Variants in GPN3 observed in about 807,000 individuals in gnomAD.
GPN3 encodes ATP-binding domain 1 family member C.
GPN3 carries 31 observed loss-of-function variants against 38.7 expected under a neutral mutation model. The ratio of observed to expected loss-of-function variants is 0.80; its 90% confidence interval spans 0.60 to 1.08. The LOEUF (loss-of-function observed/expected upper bound fraction) is 1.08. Ranked by LOEUF, GPN3 falls within the 50% of genes least tolerant of loss-of-function variation. The probability of loss-of-function intolerance (pLI) is 0.00; values close to 1 mark genes in which losing one functional copy is unlikely to be tolerated. For missense variants in GPN3, 301 were observed against 354.4 expected (o/e 0.85, Z 1.21); for synonymous variants, 116 against 120.2 (o/e 0.96, Z 0.23).
At chr12:110,464,777 T>C (rs2062615132) in intron 2 of GPN3, 1 of 254,116 alleles carries the variant, frequency 3.9e-6, no homozygotes, top group South Asian at 5.0e-5. Context: ...GTGTTTTTAG[T>C]AGAGACAGGG....
chr12:110,463,434 A>T (rs1015934174), intron 2 of GPN3, among the ~76,000 whole-genome samples: 1 of 151,436 alleles, frequency 6.6e-6, no homozygotes, highest in African/African-American at 2.4e-5. Context: ...CCTGGGTGAC[A>T]GAGTGAGACC....
intron 4 of GPN3, among the ~76,000 whole-genome samples, chr12:110,456,464 TCTTGGTTCCCAAAG>T (rs2062550661): frequency 6.6e-6 from 1 of 152,066 alleles, no homozygotes; most frequent in Non-Finnish European, 1.5e-5. Flanking sequence ...AATGCTTGAT[TCTTGGTTCCCAAAG>T]GTGAGGGAAG....
At chr12:110,465,037 G>C in intron 2 of GPN3, 69 bp downstream of exon 2, 1 of 817,036 alleles carries the variant, frequency 1.2e-6, no homozygotes, top group Non-Finnish European at 2.2e-6. Flanking sequence ...GTGCTAAGCA[G>C]CTAGTACTCA....
intron 1 of GPN3, 23 bp from the exon 2 acceptor site, chr12:110,465,237 A>T: frequency 7.6e-7 from 1 of 1,318,370 alleles, no homozygotes; most frequent in Non-Finnish European, 1.1e-6. Flanking sequence ...AAGGCATGAG[A>T]GGTTAAAGCA....
rs747878824 is a variant in GPN3 at position 110,453,725 on chromosome 12, C to A, written c.792+18G>T. The A allele has an allele frequency of 1.2e-6, 2 of 1,600,584 alleles. No individual in the cohort carries two copies. The highest frequency in any genetic ancestry group is 3.3e-5 in the Admixed American group (2 of 59,884). ...TATTTTTATCAAAAGCTAACAAACA[C>A]CCCAAACCAGAAATTACCTTTGGTT... is the stretch of plus-strand genomic sequence containing the variant. On this transcript the variant is annotated intron_variant, in intron 7 of 7. Transcript: ENST00000228827.
At chr12:110,468,016 G>T in intron 1 of GPN3, 140 bp downstream of exon 1, 1 of 1,161,014 alleles carries the variant, frequency 8.6e-7, no homozygotes, top group Non-Finnish European at 1.3e-6. Context: ...AAAAAAGAAC[G>T]TGAAGCCAGA....
chr12:110,453,046 G>A lies in GPN3; in HGVS notation c.843C>T (p.Cys281=). 1.4e-6 allele frequency: 2 copies of A among 1,408,734 alleles called. No homozygotes were observed. The highest frequency in any genetic ancestry group is 2.0e-6 in the Non-Finnish European group (2 of 992,868). 87.3% of individuals were successfully genotyped at this position (1,408,734 alleles called of 1,614,324 possible). A position where few individuals can be genotyped will look rare whatever the true frequency, so the allele number is the denominator to read the frequency against. The change falls in exon 8 of 8, where the codon TGC becomes TGT. Residue 281 remains cysteine, a synonymous_variant. Transcript: ENST00000228827. ...TTTAGTAAACTCTTCATTCATCCTG[G>A]CATTCTTGAAAATATTCGTCAAACA... ...SSMFDEYFQE[C]QDE
rs1240214689 is a variant in GPN3, at chr12:110,453,052, T to C, written c.837A>G (p.Gln279=). 6.9e-6 allele frequency: 10 copies of C among 1,455,934 alleles called. No homozygotes were observed. The highest frequency in any genetic ancestry group is 9.6e-6 in the Non-Finnish European group (10 of 1,036,322). The allele number at this position is 1,455,934 out of a possible 1,614,324, so 90.2% of individuals were successfully genotyped here. ...AAACTCTTCATTCATCCTGGCATTCTTGAAAATATTCGTCAAACATAGAGG... is the reference window on the plus strand; with the variant it reads ...AAACTCTTCATTCATCCTGGCATTCCTGAAAATATTCGTCAAACATAGAGG... ...ESSSMFDEYF[Q]ECQDE is the part of the protein sequence containing the mutation. Residue 279 remains glutamine (Q), a synonymous_variant, in exon 8 of 8, where the codon CAA becomes CAG. Coordinates refer to ENST00000228827, the MANE Select transcript of GPN3 (RefSeq NM_016301.4).
chr12:110,454,084 T>C (rs991304460), intron 6 of GPN3, among the ~76,000 whole-genome samples: 1 of 152,228 alleles, frequency 6.6e-6, no homozygotes, highest in Non-Finnish European at 1.5e-5. Flanking sequence ...AGCTTATTAC[T>C]TTAACTAGAC....
chr12:110,461,355 G>A, intron 2 of GPN3: 2 of 621,592 alleles, frequency 3.2e-6, no homozygotes, highest in Non-Finnish European at 2.9e-6. Context: ...ATGTCGATGA[G>A]AACTAATCAC....
chr12:110,463,783 A>C (rs1254878621), intron 2 of GPN3, among the ~76,000 whole-genome samples: 1 of 128,576 alleles, frequency 7.8e-6, no homozygotes, highest in African/African-American at 3.4e-5. Context: ...ACCCTGTCTC[A>C]AAAAAAAAAA....
At position 110,465,199 on chromosome 12, in the gene GPN3, T is replaced by G; in HGVS notation, c.64A>C (p.Thr22Pro). Residue 22 changes from threonine to proline, a missense_variant, in exon 2 of 8, where the codon ACC becomes CCC. Transcript: ENST00000228827. Reference protein sequence around the residue: ...AGSGKSTYCATMVQHCEALNR... With the variant: ...AGSGKSTYCAPMVQHCEALNR... ...AGGGCTTCACAGTGCTGGACCATGGTGGCACAGTAGGTGCTCTGTAATGTC... is the reference window on the plus strand; with the variant it reads ...AGGGCTTCACAGTGCTGGACCATGGGGGCACAGTAGGTGCTCTGTAATGTC... 1 of 1,602,820 alleles carries G rather than the reference T, an allele frequency of 6.2e-7. No individual in the cohort carries two copies. Among genetic ancestry groups the G allele is most frequent in the Non-Finnish European group, 8.5e-7 (1 of 1,169,642 alleles).
intron 2 of GPN3, among the ~76,000 whole-genome samples, chr12:110,462,834 G>A (rs1216643793): frequency 2.6e-5 from 4 of 151,806 alleles, no homozygotes; most frequent in African/African-American, 7.3e-5. Context: ...TCGGCTCACC[G>A]CAAGCTCCGC....
chr12:110,456,006 A>C, intron 4 of GPN3, 76 bp from the exon 5 acceptor site: 1 of 790,004 alleles, frequency 1.3e-6, no homozygotes, highest in South Asian at 1.4e-5. Flanking sequence ...AGAGTCTTCT[A>C]TTCCTCACTG....
intron 4 of GPN3, among the ~76,000 whole-genome samples, chr12:110,456,463 T>C (rs947158770): frequency 6.6e-6 from 1 of 152,032 alleles, no homozygotes; most frequent in South Asian, 2.1e-4. Flanking sequence ...AAATGCTTGA[T>C]TCTTGGTTCC....
At chr12:110,460,006 G>GTGTC in intron 2 of GPN3, 144 bp from the exon 3 acceptor site, 2 of 644,120 alleles carry the variant, frequency 3.1e-6, no homozygotes, top group Non-Finnish European at 5.4e-6. Flanking sequence ...CCCTGTAGCA[G>GTGTC]TGTCCATCAA....
intron 2 of GPN3, among the ~76,000 whole-genome samples, chr12:110,460,563 C>T (rs933208989): frequency 1.3e-5 from 2 of 152,116 alleles, no homozygotes; most frequent in African/African-American, 4.8e-5. Flanking sequence ...GGGCTGGGTG[C>T]GGTGACTCCT....
At chr12:110,459,350 C>T (rs964758514) in intron 3 of GPN3, among the ~76,000 whole-genome samples, 4 of 151,744 alleles carry the variant, frequency 2.6e-5, no homozygotes, top group Admixed American at 1.3e-4. Context: ...ATGCCATTCT[C>T]TTGCCTCAGC....
In GPN3 at chr12:110,459,719, C is replaced by A; in HGVS notation, c.301G>T (p.Asp101Tyr). 1 of 1,612,328 alleles carries A rather than the reference C, an allele frequency of 6.2e-7. No homozygotes were observed. Among genetic ancestry groups the A allele is most frequent in the Non-Finnish European group, 8.5e-7 (1 of 1,178,338 alleles). The change falls in exon 3 of 8, where the codon GAC becomes TAC. Residue 101 changes from aspartate to tyrosine, a missense_variant. By Grantham distance (160) the Asp-to-Tyr change is radical. Coordinates refer to ENST00000228827, the MANE Select transcript of GPN3 (RefSeq NM_016301.4). Reference sequence around the variant, plus strand: ...CCTGGACAATCAAAAAGGATATAGTCGTCCTCTACATGGCCAAGACAGTTC... The same window carrying A: ...CCTGGACAATCAAAAAGGATATAGTAGTCCTCTACATGGCCAAGACAGTTC... The part of the protein sequence containing the change: ...LENCLGHVED[D>Y]YILFDCPGQI...
Sources: gnomAD v4.1 joint callset for allele counts (sites outside exome capture counted in the v4.1 genomes callset) on GRCh38, gnomAD v4.1.1 for gene constraint, MANE v1.5 for transcripts, NCBI Gene and HGNC (gene_info 2026-07-23, HGNC 2026-07-21) for gene names.